Variants in CSMD1 observed in about 807,000 individuals in gnomAD.
CSMD1 encodes the protein CUB and Sushi multiple domains 1.
A neutral mutation model predicts 417.5 loss-of-function variants in CSMD1; 213 were observed. The ratio of observed to expected loss-of-function variants is 0.51; its 90% CI spans 0.46 to 0.57. The LOEUF (loss-of-function observed/expected upper bound fraction) is 0.57. Among genes scored for constraint, CSMD1 ranks in the 20% least tolerant of loss-of-function variants. CSMD1 has a pLI of 0.00. For missense variants in CSMD1, 6,923 were observed against 4,529.7 expected, an observed-to-expected ratio of 1.53 and a Z score of -15.17; for synonymous variants, 2,862 against 1,736.8, an observed-to-expected ratio of 1.65 and a Z score of -16.11.
At position 3,885,452 on chromosome 8, in the gene CSMD1, G is replaced by T. The variant is rs191262999; in HGVS notation, c.818+112451C>A. Among the ~76,000 whole-genome samples the T allele has an allele frequency of 4.1e-3, 626 of 152,220 alleles. 3 individuals carry two copies. Among genetic ancestry groups the T allele is most frequent in the South Asian group, 1.0e-2 (48 of 4,822 alleles). On this transcript the variant is annotated intron_variant, in intron 5 of 69. Transcript: ENST00000635120. ...TGCTATCAATTATTTGAAAAAAGCT[G>T]AAGTACAAATTTCTGCTTTTCTCAG...
At chr8:2,977,954 G>C (rs762877097) in intron 55 of CSMD1, among the ~76,000 whole-genome samples, 3 of 152,162 alleles carry the variant, frequency 2.0e-5, no homozygotes, top group South Asian at 2.1e-4. Flanking sequence ...TGGAGAAATA[G>C]GAATGATTTT....
At chr8:3,170,675 T>A (rs979634325) in intron 37 of CSMD1, among the ~76,000 whole-genome samples, 2 of 152,206 alleles carry the variant, frequency 1.3e-5, no homozygotes, top group Non-Finnish European at 1.5e-5. Context: ...AATCCATGGA[T>A]CATGCACAAC....
intron 2 of CSMD1, among the ~76,000 whole-genome samples, chr8:4,473,078 G>T (rs746452087): frequency 6.6e-6 from 1 of 152,136 alleles, no homozygotes; most frequent in Non-Finnish European, 1.5e-5. Flanking sequence ...ATATGGGCCT[G>T]AATTATGTAA....
intron 3 of CSMD1, among the ~76,000 whole-genome samples, chr8:4,114,852 G>C (rs76268100): frequency 0.016 from 2,465 of 152,248 alleles, 157 homozygotes; most frequent in Admixed American, 0.11. Flanking sequence ...TGACTGAATT[G>C]CTGCAATCTC....
intron 37 of CSMD1, among the ~76,000 whole-genome samples, chr8:3,178,998 A>G (rs868268130): frequency 6.9e-5 from 10 of 145,442 alleles, no homozygotes; most frequent in African/African-American, 2.3e-4. Flanking sequence ...CCCAGGCTGG[A>G]GTGCAGTGGC....
intron 3 of CSMD1, among the ~76,000 whole-genome samples, chr8:4,269,232 T>C (rs1804417567): frequency 1.3e-5 from 2 of 152,124 alleles, no homozygotes; most frequent in Admixed American, 1.3e-4. Context: ...AATTTTTGTA[T>C]ATTTAGCAGA....
At chr8:3,949,735 T>A (rs748025683) in intron 5 of CSMD1, among the ~76,000 whole-genome samples, 44 of 152,264 alleles carry the variant, frequency 2.9e-4, no homozygotes, top group Middle Eastern at 6.8e-3. Flanking sequence ...CAATGGGGAC[T>A]TGATCCCACC....
chr8:4,166,016 A>G (rs118175102), intron 3 of CSMD1, among the ~76,000 whole-genome samples: 2,716 of 152,306 alleles, frequency 0.018, 39 homozygotes, highest in Non-Finnish European at 0.027. Context: ...ACATCTCTTT[A>G]TATCCTTTTC....
chr8:2,945,888 A>G (rs1802199180), intron 68 of CSMD1, among the ~76,000 whole-genome samples: 1 of 152,230 alleles, frequency 6.6e-6, no homozygotes, highest in East Asian at 1.9e-4. Flanking sequence ...ATCTTTGCAC[A>G]TGTGATAAGC....
At chr8:2,949,238 G>C (rs952362636) in intron 68 of CSMD1, 61 bp downstream of exon 68, 23 of 811,678 alleles carry the variant, frequency 2.8e-5, no homozygotes, top group Non-Finnish European at 4.2e-5. Flanking sequence ...TTTCTTCTTA[G>C]AAACATCATT....
Position 4,381,208 on chromosome 8 carries a change from C to T in CSMD1, c.415+38745G>A, listed in dbSNP as rs190697147. Among the ~76,000 whole-genome samples, 9 of 152,156 alleles carry T rather than the reference C, an allele frequency of 5.9e-5. No homozygotes were observed. In the South Asian group the frequency reaches 8.3e-4, roughly 14 times the overall value. On this transcript the variant is annotated intron_variant, in intron 3 of 69. Transcript: ENST00000635120. ...TACGGTACTGATAAAATTTGCTGCA[C>T]GGATTTAAAATGCTGTCCCAGTGAG... is the stretch of plus-strand genomic sequence containing the variant.
chr8:3,514,495 A>T (rs1004127462), intron 10 of CSMD1, among the ~76,000 whole-genome samples: 1 of 152,214 alleles, frequency 6.6e-6, no homozygotes, highest in Non-Finnish European at 1.5e-5. Context: ...TTTGGAATTG[A>T]CTAAAAATGG....
At chr8:4,073,977 G>T (rs888310226) in intron 3 of CSMD1, among the ~76,000 whole-genome samples, 1 of 151,980 alleles carries the variant, frequency 6.6e-6, no homozygotes, top group African/African-American at 2.4e-5. Context: ...TAAAATCTTT[G>T]TCATTGGCTT....
chr8:3,072,493 A>G (rs1376883575), intron 49 of CSMD1, among the ~76,000 whole-genome samples: 2 of 152,186 alleles, frequency 1.3e-5, no homozygotes, highest in African/African-American at 4.8e-5. Flanking sequence ...GAACCAGAAA[A>G]TGTTCCACCA....
chr8:4,109,069 T>A lies in CSMD1; in HGVS notation c.416-76970A>T, dbSNP rs1801718544. 3.9e-5 allele frequency among the ~76,000 whole-genome samples: 6 copies of A among 152,194 alleles called. No homozygotes were observed. The South Asian group carries it at 1.2e-3, about 32-fold the overall frequency. ...TCCGTCATATAAAATGGCATAGTAT[T>A]TGCATATAACCGCATCCATTCTCCC... is the stretch of plus-strand genomic sequence containing the variant. On this transcript the variant is annotated intron_variant, in intron 3 of 69. Coordinates refer to ENST00000635120, the MANE Select transcript of CSMD1 (RefSeq NM_033225.6).
At chr8:4,658,462 G>C (rs761170378) in intron 1 of CSMD1, among the ~76,000 whole-genome samples, 3 of 152,010 alleles carry the variant, frequency 2.0e-5, no homozygotes, top group Non-Finnish European at 4.4e-5. Flanking sequence ...TTAAAGCAGT[G>C]ACGCAAAAAA....
At chr8:4,672,464 G>C (rs898494635) in intron 1 of CSMD1, among the ~76,000 whole-genome samples, 1 of 152,146 alleles carries the variant, frequency 6.6e-6, no homozygotes, top group African/African-American at 2.4e-5. Context: ...AATGAGAAAA[G>C]AGGGAGAATA....
chr8:4,283,247 C>T (rs1796888869), intron 3 of CSMD1, among the ~76,000 whole-genome samples: 1 of 152,048 alleles, frequency 6.6e-6, no homozygotes. Flanking sequence ...CTTTTGCAAA[C>T]AGTTTAGATG....
Position 3,110,444 on chromosome 8 carries a change from A to G in CSMD1, c.6431-109T>C, listed in dbSNP as rs573432044. The G allele has an allele frequency of 2.3e-4, 199 of 874,308 alleles. No individual in the cohort carries two copies. In the African/African-American group the frequency reaches 3.0e-3, roughly 13 times the overall value. The allele number at this position is 874,308 out of a possible 1,614,324, so 54.2% of individuals were successfully genotyped here. On this transcript the variant is annotated intron_variant, in intron 42 of 69. Transcript: ENST00000635120. ...TAGCCAACATTTTTCCTGATGGGAA[A>G]TAGGTGTGAAATATTTCTGAATCAC...
Sources: allele counts gnomAD v4.1 joint callset (sites outside exome capture counted in the v4.1 genomes callset), GRCh38; gene constraint gnomAD v4.1.1; transcripts MANE v1.5; gene names NCBI Gene and HGNC (gene_info 2026-07-23, HGNC 2026-07-21).